SLCO1C1: variants seen among roughly 807,000 people sequenced by gnomAD.
The protein encoded by SLCO1C1 is OAT-RP-5.
SLCO1C1 carries 70 observed loss-of-function variants against 76.4 expected under a neutral mutation model. The observed-to-expected ratio is 0.92, with a 90% CI of 0.76 to 1.12. The LOEUF (loss-of-function observed/expected upper bound fraction) is 1.12. Ranked by LOEUF, SLCO1C1 falls within the 50% of genes most tolerant of loss-of-function variation. The pLI is 0.00. For synonymous variants in SLCO1C1, 306 were observed against 286.1 expected (o/e 1.07, Z -0.70); for missense variants, 912 against 823.8 (o/e 1.11, Z -1.31).
intron 14 of SLCO1C1, among the ~76,000 whole-genome samples, chr12:20,751,061 G>C (rs900497456): frequency 1.3e-5 from 2 of 152,032 alleles, no homozygotes; most frequent in African/African-American, 4.8e-5. Context: ...GTAGAATTTT[G>C]AAAGTTTATG....
Position 20,732,910 on chromosome 12 carries a change from G to C in SLCO1C1, c.1188G>C (p.Gly396=). 6.2e-7 allele frequency: 1 copy of C among 1,613,730 alleles called. No individual in the cohort carries two copies. Among genetic ancestry groups the C allele is most frequent in the Middle Eastern group, 1.7e-4 (1 of 6,056 alleles). The stretch of plus-strand genomic sequence containing the variant: ...TGATATATTTTTCTTGTTTCTCAGG[G>C]CTCATCAACATTCCAGCAGTGGCCC... ...QSSSRANFVI[G]LINIPAVALG... is the part of the protein sequence containing the mutation. Residue 396 remains glycine, a splice_region_variant and synonymous_variant, in exon 10 of 15, where the codon GGG becomes GGC. Coordinates refer to ENST00000266509, the MANE Select transcript of SLCO1C1 (RefSeq NM_017435.5).
intron 9 of SLCO1C1, among the ~76,000 whole-genome samples, chr12:20,725,004 C>T (rs987896320): frequency 2.1e-5 from 3 of 139,748 alleles, no homozygotes; most frequent in Non-Finnish European, 3.1e-5. Flanking sequence ...CATTATAAAA[C>T]ATATATTTAA....
intron 4 of SLCO1C1, among the ~76,000 whole-genome samples, chr12:20,710,086 T>C (rs1946997331): frequency 6.6e-6 from 1 of 151,966 alleles, no homozygotes; most frequent in East Asian, 1.9e-4. Context: ...CATGAACCCA[T>C]TGAGGTGCAG....
intron 13 of SLCO1C1, 143 bp from the exon 14 acceptor site, chr12:20,750,532 A>T (rs914681644): frequency 4.3e-6 from 3 of 697,388 alleles, no homozygotes; most frequent in Non-Finnish European, 7.5e-6. Context: ...TTAGAGAGAT[A>T]GGTTTGGGAG....
chr12:20,743,395 ATGGTAG>A (rs1948907726), intron 13 of SLCO1C1, 26 bp downstream of exon 13: 1 of 1,552,982 alleles, frequency 6.4e-7, no homozygotes. Context: ...GCTTTAATTT[ATGGTAG>A]ACACCGTAAG....
intron 7 of SLCO1C1, among the ~76,000 whole-genome samples, chr12:20,720,357 T>G (rs1947602605): frequency 6.6e-6 from 1 of 152,218 alleles, no homozygotes; most frequent in Non-Finnish European, 1.5e-5. Context: ...AATTTTGACT[T>G]TCAAGTCTTA....
At chr12:20,730,052 C>A (rs1054548824) in intron 9 of SLCO1C1, among the ~76,000 whole-genome samples, 20 of 152,094 alleles carry the variant, frequency 1.3e-4, no homozygotes, top group African/African-American at 4.8e-4. Flanking sequence ...CACATAGGTA[C>A]AGACAAGGTT....
chr12:20,716,394 A>G (rs372414514), intron 6 of SLCO1C1, among the ~76,000 whole-genome samples: 13 of 152,188 alleles, frequency 8.5e-5, no homozygotes, highest in African/African-American at 3.1e-4. Flanking sequence ...CTCTGTTCCA[A>G]AAAGTATCTG....
chr12:20,741,515 A>G (rs1238643026), intron 12 of SLCO1C1, among the ~76,000 whole-genome samples: 1 of 152,182 alleles, frequency 6.6e-6, no homozygotes, highest in African/African-American at 2.4e-5. Context: ...TTGATAACCA[A>G]CATCACCTGG....
intron 10 of SLCO1C1, among the ~76,000 whole-genome samples, chr12:20,736,854 T>C (rs562996662): frequency 6.6e-6 from 1 of 152,256 alleles, no homozygotes; most frequent in African/African-American, 2.4e-5. Flanking sequence ...GGCTGTAGAC[T>C]GAAAGCTATA....
At chr12:20,751,675 A>G (rs1414729616) in intron 14 of SLCO1C1, among the ~76,000 whole-genome samples, 1 of 152,132 alleles carries the variant, frequency 6.6e-6, no homozygotes, top group African/African-American at 2.4e-5. Flanking sequence ...TGTAGAGACA[A>G]TGCAACTCAA....
chr12:20,711,371 A>T lies in SLCO1C1; in HGVS notation c.405-15A>T, dbSNP rs1049826250. On this transcript the variant is annotated splice_polypyrimidine_tract_variant and intron_variant, in intron 4 of 14. Coordinates refer to ENST00000266509, the MANE Select transcript of SLCO1C1 (RefSeq NM_017435.5). ...TTAATGAGTCTATCATGAAGAAAAC[A>T]TTCCTCTTATGCAGGTACAAATATG... 6.2e-7 allele frequency: 1 copy of T among 1,608,624 alleles called. No homozygotes were observed. Among genetic ancestry groups the T allele is most frequent in the Non-Finnish European group, 8.5e-7 (1 of 1,177,972 alleles).
intron 10 of SLCO1C1, among the ~76,000 whole-genome samples, chr12:20,734,812 G>T (rs901118828): frequency 2.0e-5 from 3 of 152,178 alleles, no homozygotes; most frequent in African/African-American, 7.2e-5. Flanking sequence ...CACCTTGAAA[G>T]ACTATAATTG....
At chr12:20,695,923 GTGA>G (rs1946245038) in intron 1 of SLCO1C1, 116 bp downstream of exon 1, 1 of 152,046 alleles carries the variant, frequency 6.6e-6, no homozygotes, top group African/African-American at 2.4e-5. Context: ...TCAGTGAAAG[GTGA>G]TGATCCCCTC....
intron 9 of SLCO1C1, among the ~76,000 whole-genome samples, chr12:20,729,529 T>C: frequency 6.6e-6 from 1 of 151,906 alleles, no homozygotes; most frequent in African/African-American, 2.4e-5. Flanking sequence ...CTGCTGCCTA[T>C]GGGCCCCTGC....
intron 13 of SLCO1C1, among the ~76,000 whole-genome samples, chr12:20,746,812 T>TC (rs1949065749): frequency 3.5e-5 from 4 of 115,766 alleles, no homozygotes; most frequent in African/African-American, 7.5e-5. Flanking sequence ...CTTGGTATTG[T>TC]CTTTTTTTTT....
At chr12:20,698,196 CTT>C (rs1946351099) in intron 1 of SLCO1C1, among the ~76,000 whole-genome samples, 1 of 151,748 alleles carries the variant, frequency 6.6e-6, no homozygotes, top group Non-Finnish European at 1.5e-5. Context: ...GTATTTATAT[CTT>C]TGTTTTTTGT....
intron 6 of SLCO1C1, 51 bp from the exon 7 acceptor site, chr12:20,717,081 A>C: frequency 6.8e-7 from 1 of 1,477,652 alleles, no homozygotes; most frequent in South Asian, 1.2e-5. Context: ...TTAATTTATC[A>C]AAGTAAAGAA....
At chr12:20,705,735 A>G (rs1278455278) in intron 3 of SLCO1C1, among the ~76,000 whole-genome samples, 26 of 152,076 alleles carry the variant, frequency 1.7e-4, no homozygotes, top group Non-Finnish European at 1.5e-5. Context: ...AGAAGGATTG[A>G]ATTAAAATAT....
Sources: gnomAD v4.1 joint callset for allele counts (sites outside exome capture counted in the v4.1 genomes callset) on GRCh38, gnomAD v4.1.1 for gene constraint, MANE v1.5 for transcripts, NCBI Gene and HGNC (gene_info 2026-07-23, HGNC 2026-07-21) for gene names.